ONECUT1: variants seen among roughly 807,000 people sequenced by gnomAD.
ONECUT1 encodes the protein one cut homeobox 1.
ONECUT1 carries 12 observed loss-of-function variants against 25.6 expected under a neutral mutation model. The observed-to-expected ratio is 0.47, with a 90% CI of 0.30 to 0.76. The LOEUF (loss-of-function observed/expected upper bound fraction) is 0.76. ONECUT1 is among the 30% of genes least tolerant of loss of function. ONECUT1 has a pLI of 0.07. For synonymous variants in ONECUT1, 285 were observed against 270.2 expected (o/e 1.05, Z -0.54); for missense variants, 620 against 651.2 (o/e 0.95, Z 0.52).
Position 52,789,989 on chromosome 15 carries a change from G to A in ONECUT1, c.-105C>T. ...TTCACATCGGCTGCTGGCGACTGTTGCCTTCCTTCCTCTCACTGTGGGGCT... is the reference window on the plus strand; with the variant it reads ...TTCACATCGGCTGCTGGCGACTGTTACCTTCCTTCCTCTCACTGTGGGGCT... On this transcript the variant is annotated 5_prime_UTR_variant, in exon 1 of 2. Transcript: ENST00000305901. The surrounding 1 kb of genome is among the most constrained non-coding windows in gnomAD (Gnocchi z 4.1). 1 of 1,408,578 alleles carries A rather than the reference G, an allele frequency of 7.1e-7. No individual in the cohort carries two copies. The highest frequency in any genetic ancestry group is 9.2e-7 in the Non-Finnish European group (1 of 1,087,610). 87.3% of individuals were successfully genotyped at this position (1,408,578 alleles called of 1,614,324 possible).
chr15:52,759,479 T>C (rs186919848), intron 1 of ONECUT1, among the ~76,000 whole-genome samples: 3 of 152,376 alleles, frequency 2.0e-5, no homozygotes, highest in Admixed American at 6.5e-5. Flanking sequence ...TCCAATTTTT[T>C]AAAACAATGT....
At position 52,756,641 on chromosome 15, in the gene ONECUT1, T is replaced by G. The variant is rs2083675282; in HGVS notation, c.*914A>C. 6.6e-6 allele frequency among the ~76,000 whole-genome samples: 1 copy of G among 152,224 alleles called. No individual in the cohort carries two copies. Among genetic ancestry groups the G allele is most frequent in the South Asian group, 2.1e-4 (1 of 4,834 alleles). On this transcript the variant is annotated 3_prime_UTR_variant, in exon 2 of 2. Transcript: ENST00000305901. The stretch of plus-strand genomic sequence containing the variant: ...CTGCATCGACCTCTCTGCCATGATA[T>G]TAATTGCTTCCCTGAAGCTACATTC...
In ONECUT1 at chr15:52,756,630, C is replaced by G. The variant is rs1363061746; in HGVS notation, c.*925G>C. Among the ~76,000 whole-genome samples, 3 of 152,214 alleles carry G rather than the reference C, an allele frequency of 2.0e-5. No individual in the cohort carries two copies. The highest frequency in any genetic ancestry group is 7.2e-5 in the African/African-American group (3 of 41,454). ...GTACACGTGTACTGCATCGACCTCT[C>G]TGCCATGATATTAATTGCTTCCCTG... On this transcript the variant is annotated 3_prime_UTR_variant, in exon 2 of 2. Transcript: ENST00000305901.
At chr15:52,778,536 C>A (rs2083818935) in intron 1 of ONECUT1, among the ~76,000 whole-genome samples, 1 of 152,212 alleles carries the variant, frequency 6.6e-6, no homozygotes, top group Non-Finnish European at 1.5e-5. Context: ...TGCCAATTTA[C>A]TTTCGTTTCC....
intron 1 of ONECUT1, among the ~76,000 whole-genome samples, chr15:52,778,367 T>C (rs1429428117): frequency 2.0e-5 from 3 of 152,242 alleles, no homozygotes; most frequent in Non-Finnish European, 4.4e-5. Context: ...GTTTTTCTGC[T>C]CTTAGGAACA....
intron 1 of ONECUT1, among the ~76,000 whole-genome samples, chr15:52,771,482 T>A (rs1189362885): frequency 2.0e-5 from 3 of 151,810 alleles, no homozygotes; most frequent in Non-Finnish European, 4.4e-5. Flanking sequence ...TCTGTGTATA[T>A]ATCTATGGAA....
intron 1 of ONECUT1, chr15:52,781,330 G>C (rs951889463): frequency 2.0e-5 from 3 of 152,122 alleles, no homozygotes. Flanking sequence ...CTTCAAAAAA[G>C]AGTAATAAAA....
At chr15:52,757,954 T>C (rs1424170459) in intron 1 of ONECUT1, 107 bp from the exon 2 acceptor site, 4 of 1,223,974 alleles carry the variant, frequency 3.3e-6, no homozygotes, top group Non-Finnish European at 4.6e-6. Flanking sequence ...GCCTGCTTTC[T>C]GTTTGCTGAC....
intron 1 of ONECUT1, among the ~76,000 whole-genome samples, chr15:52,771,309 G>C (rs962299865): frequency 6.6e-6 from 1 of 151,820 alleles, no homozygotes; most frequent in African/African-American, 2.4e-5. Context: ...AAATTCTATA[G>C]CCATTAAGAA....
intron 1 of ONECUT1, among the ~76,000 whole-genome samples, chr15:52,774,288 G>GTTAGTTATTTATTTATTTATTTAT (rs1555415875): frequency 4.6e-4 from 69 of 150,122 alleles, no homozygotes; most frequent in African/African-American, 1.5e-3. Context: ...AAGAAATGAA[G>GTTAGTTATTTATTTATTTATTTAT]TTATTTATTT....
chr15:52,779,094 A>T (rs567589078), intron 1 of ONECUT1, among the ~76,000 whole-genome samples: 43 of 151,308 alleles, frequency 2.8e-4, no homozygotes, highest in African/African-American at 8.8e-4. Context: ...TTAATTAATT[A>T]ATTTATTTTG....
chr15:52,775,648 T>C (rs1293130707), intron 1 of ONECUT1, among the ~76,000 whole-genome samples: 1 of 152,220 alleles, frequency 6.6e-6, no homozygotes, highest in Non-Finnish European at 1.5e-5. Flanking sequence ...ATTAAAATAA[T>C]GATGTGCATT....
Position 52,784,664 on chromosome 15 carries a change from C to G in ONECUT1, c.1105+4116G>C, listed in dbSNP as rs1199875024. On this transcript the variant is annotated intron_variant, in intron 1 of 1. Coordinates refer to ENST00000305901, the MANE Select transcript of ONECUT1 (RefSeq NM_004498.4). The surrounding 1 kb of genome is among the most constrained non-coding windows in gnomAD (Gnocchi z 5.0). ...CTATGGTCCTACACCCTCGAGGGGA[C>G]AGACACCGGCCGTGAGACAGGCACC... Among the ~76,000 whole-genome samples, 1 of 152,214 alleles carries G rather than the reference C, an allele frequency of 6.6e-6. No individual in the cohort carries two copies. Among genetic ancestry groups the G allele is most frequent in the African/African-American group, 2.4e-5 (1 of 41,446 alleles).
Position 52,789,969 on chromosome 15 carries a change from A to T in ONECUT1, c.-85T>A. ...GGGGCGCACGGAGTCCGGTCTTCAC[A>T]TCGGCTGCTGGCGACTGTTGCCTTC... On this transcript the variant is annotated 5_prime_UTR_variant, in exon 1 of 2. It removes an upstream start codon present in the reference 5' UTR. Transcript: ENST00000305901. The surrounding 1 kb of genome is among the most constrained non-coding windows in gnomAD (Gnocchi z 4.1). The T allele has an allele frequency of 1.4e-6, 2 of 1,439,628 alleles. No individual in the cohort carries two copies. Among genetic ancestry groups the T allele is most frequent in the East Asian group, 2.8e-5 (1 of 36,084 alleles). The allele number at this position is 1,439,628 out of a possible 1,614,324, so 89.2% of individuals were successfully genotyped here.
chr15:52,790,123 G>T lies in ONECUT1; in HGVS notation c.-239C>A. On this transcript the variant is annotated 5_prime_UTR_variant, in exon 1 of 2. Transcript: ENST00000305901. ...TCTTACCCCCCACCTTCCCCTCTGC[G>T]TCCTCGGCTTTTTTTTTTTTAATAT... 1 of 495,294 alleles carries T rather than the reference G, an allele frequency of 2.0e-6. No homozygotes were observed. Among genetic ancestry groups the T allele is most frequent in the Non-Finnish European group, 3.1e-6 (1 of 318,552 alleles). The allele number at this position is 495,294 out of a possible 1,614,324, so 30.7% of individuals were successfully genotyped here. A position where few individuals can be genotyped will look rare whatever the true frequency, so the allele number is the denominator to read the frequency against.
At chr15:52,781,035 A>G (rs2083837886) in intron 1 of ONECUT1, 1 of 336,682 alleles carries the variant, frequency 3.0e-6, no homozygotes, top group Admixed American at 6.2e-5. Context: ...GAGCCCTAAA[A>G]TTTGAGTTAC....
intron 1 of ONECUT1, among the ~76,000 whole-genome samples, chr15:52,759,027 G>T (rs1459477728): frequency 6.6e-6 from 1 of 152,186 alleles, no homozygotes; most frequent in African/African-American, 2.4e-5. Flanking sequence ...CAATCAGATT[G>T]CTGCCTCTTA....
intron 1 of ONECUT1, among the ~76,000 whole-genome samples, chr15:52,783,738 T>C (rs573644313): frequency 1.1e-4 from 16 of 152,346 alleles, no homozygotes; most frequent in African/African-American, 3.6e-4. Context: ...TCACCTTCTC[T>C]ACGCTGACCC....
intron 1 of ONECUT1, among the ~76,000 whole-genome samples, chr15:52,783,694 C>G (rs1219738276): frequency 6.6e-6 from 1 of 152,244 alleles, no homozygotes; most frequent in Non-Finnish European, 1.5e-5. Flanking sequence ...TATTATATCC[C>G]TCAGCTCCAA....
Sources: allele counts gnomAD v4.1 joint callset (sites outside exome capture counted in the v4.1 genomes callset), GRCh38; gene constraint gnomAD v4.1.1; non-coding constraint Gnocchi (gnomAD v3.1); transcripts MANE v1.5; gene names NCBI Gene and HGNC (gene_info 2026-07-23, HGNC 2026-07-21).